Variants in CWC22 observed in about 807,000 individuals in gnomAD.
CWC22 encodes pre-mRNA-splicing factor CWC22 homolog.
In CWC22, 53 loss-of-function variants were observed where a neutral mutation model predicts 117.2. That is an observed-to-expected ratio of 0.45 (90% CI 0.36 to 0.57). The LOEUF is 0.57. CWC22 is among the 20% of genes least tolerant of loss of function. The pLI, the probability that CWC22 is intolerant of heterozygous loss-of-function variation, is 0.00. For synonymous variants in CWC22, 360 were observed against 355.6 expected (o/e 1.01, Z -0.14); for missense variants, 980 against 1,068.8 (o/e 0.92, Z 1.16).
chr2:179,994,279 G>A (rs976693766), intron 1 of CWC22, among the ~76,000 whole-genome samples: 4 of 152,014 alleles, frequency 2.6e-5, no homozygotes, highest in South Asian at 4.2e-4. Flanking sequence ...AGAAAGCAAC[G>A]TGCTTAGTAG....
intron 11 of CWC22, among the ~76,000 whole-genome samples, chr2:179,968,087 A>T (rs898437273): frequency 6.6e-6 from 1 of 152,214 alleles, no homozygotes; most frequent in Non-Finnish European, 1.5e-5. Flanking sequence ...TATTATATCA[A>T]CATGTTAATT....
intron 11 of CWC22, 119 bp from the exon 12 acceptor site, chr2:179,966,101 A>G (rs762004552): frequency 1.5e-6 from 1 of 685,284 alleles, no homozygotes; most frequent in Non-Finnish European, 2.4e-6. Flanking sequence ...TTTGCTAGCC[A>G]ACAAAGATAA....
intron 3 of CWC22, among the ~76,000 whole-genome samples, chr2:179,988,084 A>G (rs1378045064): frequency 2.0e-5 from 3 of 152,224 alleles, no homozygotes; most frequent in African/African-American, 7.2e-5. Flanking sequence ...TGAGAATGGA[A>G]TGCCACAGGT....
At chr2:179,998,354 CA>C (rs1687759722) in intron 1 of CWC22, among the ~76,000 whole-genome samples, 1 of 151,976 alleles carries the variant, frequency 6.6e-6, no homozygotes, top group Admixed American at 6.6e-5. Context: ...AATTTATAAT[CA>C]CTTATACAAT....
rs973418614 is a variant in CWC22 at position 179,986,688 on chromosome 2, C to T, written c.206+7G>A. 2.7e-6 allele frequency: 4 copies of T among 1,500,762 alleles called. No individual in the cohort carries two copies. In the African/African-American group the frequency reaches 5.5e-5, roughly 21 times the overall value. 93.0% of individuals were successfully genotyped at this position (1,500,762 alleles called of 1,614,324 possible). ...TTTTCTACAAGTTAGAAATTCCCAA[C>T]ACTAACCGTGACTCCATGCTACTAT... On this transcript the variant is annotated splice_region_variant and intron_variant, in intron 4 of 19. Coordinates refer to ENST00000410053, the MANE Select transcript of CWC22 (RefSeq NM_020943.3).
intron 12 of CWC22, 82 bp downstream of exon 12, chr2:179,965,796 T>G: frequency 1.4e-5 from 16 of 1,162,272 alleles, no homozygotes; most frequent in Non-Finnish European, 1.8e-5. Context: ...CCCCAAAGAT[T>G]GAGAACTATT....
At chr2:179,948,532 G>A (rs935356966) in intron 19 of CWC22, among the ~76,000 whole-genome samples, 3 of 152,034 alleles carry the variant, frequency 2.0e-5, no homozygotes, top group Admixed American at 2.0e-4. Context: ...GACATCCAGT[G>A]GACACCACCT....
At chr2:179,988,700 G>A (rs1400712659) in intron 2 of CWC22, 56 bp from the exon 3 acceptor site, 3 of 880,180 alleles carry the variant, frequency 3.4e-6, no homozygotes, top group Non-Finnish European at 5.2e-6. Flanking sequence ...TAATAACACA[G>A]ACTGAAATAC....
chr2:179,952,322 C>T (rs1686471682), intron 17 of CWC22, 149 bp downstream of exon 17: 1 of 466,900 alleles, frequency 2.1e-6, no homozygotes, highest in Non-Finnish European at 3.6e-6. Flanking sequence ...TCCTGTGTGA[C>T]ATAACATGAA....
In CWC22 at chr2:179,978,275, T is replaced by A. The variant is rs377130506; in HGVS notation, c.496A>T (p.Ile166Phe). The change falls in exon 6 of 20, where the codon ATT (isoleucine) becomes TTT (phenylalanine). Residue 166 changes from isoleucine to phenylalanine, a missense_variant. This residue lies in a region of CWC22 where 559 missense variants were observed against 602.3 expected (regional missense o/e 0.93). Coordinates refer to ENST00000410053, the MANE Select transcript of CWC22 (RefSeq NM_020943.3). ...TTGACTTTGTTGATAAGGCCATTAATTGACTTCTTCAGGGCCTCCCAACTC... is the reference window on the plus strand; with the variant it reads ...TTGACTTTGTTGATAAGGCCATTAAATGACTTCTTCAGGGCCTCCCAACTC... ...RMSWEALKKS[I>F]NGLINKVNIS... 6.4e-7 allele frequency: 1 copy of A among 1,559,222 alleles called. No individual in the cohort carries two copies. The highest frequency in any genetic ancestry group is 2.4e-5 in the East Asian group (1 of 41,976).
chr2:179,979,789 G>C (rs73975737), intron 5 of CWC22, among the ~76,000 whole-genome samples: 1 of 152,204 alleles, frequency 6.6e-6, no homozygotes, highest in African/African-American at 2.4e-5. Flanking sequence ...AAGATGCATG[G>C]CTTAACAAGT....
At position 179,950,614 on chromosome 2, in the gene CWC22, A is replaced by C; in HGVS notation, c.2038T>G (p.Ser680Ala). Reference sequence around the variant, plus strand: ...TCAGAATCAGAGTCGGATGAGTCAGACTCTGAAGAGGAGGACGCTGAAGAG... The same window carrying C: ...TCAGAATCAGAGTCGGATGAGTCAGCCTCTGAAGAGGAGGACGCTGAAGAG... ...SSSSASSSSE[S>A]DSSDSDSDSS... is the part of the protein sequence containing the mutation. Residue 680 changes from serine to alanine, a missense_variant, in exon 19 of 20, where the codon TCT becomes GCT. By Grantham distance (99) the Ser-to-Ala change is moderately conservative. Around this residue, in one of 3 missense-constraint regions of CWC22, gnomAD observed 306 missense variants for 296.8 expected, o/e 1.03. Coordinates refer to ENST00000410053, the MANE Select transcript of CWC22 (RefSeq NM_020943.3). 1 of 1,613,534 alleles carries C rather than the reference A, an allele frequency of 6.2e-7. No individual in the cohort carries two copies. Among genetic ancestry groups the C allele is most frequent in the South Asian group, 1.1e-5 (1 of 91,068 alleles).
chr2:179,945,895 A>AT (rs1357760658), intron 19 of CWC22, among the ~76,000 whole-genome samples, 180 bp from the exon 20 acceptor site: 1 of 152,068 alleles, frequency 6.6e-6, no homozygotes, highest in African/African-American at 2.4e-5. Context: ...ATTTTATTTT[A>AT]TTTTTTGAGA....
At chr2:179,977,710 T>G (rs2105535993) in intron 6 of CWC22, among the ~76,000 whole-genome samples, 1 of 152,270 alleles carries the variant, frequency 6.6e-6, no homozygotes. Context: ...AGAGTAGATT[T>G]TTAAGTGTTC....
chr2:179,955,180 A>C, intron 14 of CWC22, 146 bp from the exon 15 acceptor site: 1 of 625,438 alleles, frequency 1.6e-6, no homozygotes. Context: ...AAAAACCTCA[A>C]TCTATGTTAA....
At chr2:179,996,136 A>G (rs945828281) in intron 1 of CWC22, among the ~76,000 whole-genome samples, 5 of 152,224 alleles carry the variant, frequency 3.3e-5, no homozygotes, top group African/African-American at 1.2e-4. Context: ...GAATGTAAGG[A>G]AACCAAAATC....
chr2:179,990,152 T>C (rs903062817), intron 2 of CWC22, among the ~76,000 whole-genome samples: 2 of 152,172 alleles, frequency 1.3e-5, no homozygotes, highest in African/African-American at 2.4e-5. Context: ...AAAGTAACCA[T>C]AGTTTAGCTG....
At position 179,970,822 on chromosome 2, in the gene CWC22, C is replaced by T. The variant is rs1335355873; in HGVS notation, c.975G>A (p.Glu325=). The part of the protein sequence containing the change: ...IFERLRNILH[E]SEIDKRVQYM... Reference sequence around the variant, plus strand: ...ATTGAACTCTTTTGTCAATTTCAGACTCATGCAGAATGTTTCGAAGGCGTT... The same window carrying T: ...ATTGAACTCTTTTGTCAATTTCAGATTCATGCAGAATGTTTCGAAGGCGTT... Residue 325 remains glutamate, a synonymous_variant, in exon 10 of 20, where the codon GAG becomes GAA. Coordinates refer to ENST00000410053, the MANE Select transcript of CWC22 (RefSeq NM_020943.3). 2 of 1,613,708 alleles carry T rather than the reference C, an allele frequency of 1.2e-6. No homozygotes were observed. The highest frequency in any genetic ancestry group is 1.7e-6 in the Non-Finnish European group (2 of 1,179,722).
chr2:179,959,287 C>T (rs1171363547), intron 13 of CWC22, among the ~76,000 whole-genome samples: 1 of 152,068 alleles, frequency 6.6e-6, no homozygotes, highest in Non-Finnish European at 1.5e-5. Flanking sequence ...TTGAATTATG[C>T]TAAGTGAAAG....
Sources: allele counts gnomAD v4.1 joint callset (sites outside exome capture counted in the v4.1 genomes callset), GRCh38; gene constraint gnomAD v4.1.1; regional missense constraint gnomAD v4.1.1; transcripts MANE v1.5; gene names NCBI Gene and HGNC (gene_info 2026-07-23, HGNC 2026-07-21).